ZCWPW2: variants seen among roughly 807,000 people sequenced by gnomAD.
The protein encoded by ZCWPW2 is zinc finger CW-type PWWP domain protein 2.
Under a neutral mutation model 46.6 loss-of-function variants are expected in ZCWPW2, and 45 were observed. The ratio of observed to expected loss-of-function variants is 0.96; its 90% CI spans 0.76 to 1.24. The LOEUF (loss-of-function observed/expected upper bound fraction) is 1.24, where lower values mean the gene tolerates loss of function less well. Among genes scored for constraint, ZCWPW2 ranks in the 50% most tolerant of loss-of-function variants. The probability of loss-of-function intolerance (pLI) is 0.00; values close to 1 mark genes in which losing one functional copy is unlikely to be tolerated. For missense variants in ZCWPW2, 429 were observed against 403.9 expected, an observed-to-expected ratio of 1.06 and a Z score of -0.53; for synonymous variants, 152 against 137.1, an observed-to-expected ratio of 1.11 and a Z score of -0.76.
intron 5 of ZCWPW2, among the ~76,000 whole-genome samples, chr3:28,488,702 A>C (rs1699692426): frequency 6.6e-6 from 1 of 152,164 alleles, no homozygotes; most frequent in Admixed American, 6.6e-5. Context: ...CCTCTTTTGC[A>C]CTTTAAAAAT....
At chr3:28,492,617 T>C (rs1026901610) in intron 6 of ZCWPW2, among the ~76,000 whole-genome samples, 1 of 152,126 alleles carries the variant, frequency 6.6e-6, no homozygotes, top group Non-Finnish European at 1.5e-5. Context: ...CCTGGAATTT[T>C]GTAAATGAAA....
intron 4 of ZCWPW2, among the ~76,000 whole-genome samples, chr3:28,458,319 G>A (rs561267329): frequency 1.2e-4 from 19 of 152,248 alleles, no homozygotes; most frequent in African/African-American, 3.6e-4. Context: ...TTTGTGAAGC[G>A]CTTAGGATGG....
intron 4 of ZCWPW2, among the ~76,000 whole-genome samples, chr3:28,465,597 G>A (rs1045449625): frequency 7.9e-5 from 12 of 152,036 alleles, no homozygotes; most frequent in African/African-American, 2.7e-4. Flanking sequence ...TTTAAAAGTA[G>A]GTAGGATTGC....
At position 28,413,048 on chromosome 3, in the gene ZCWPW2, T is replaced by A. The variant is rs1430037593; in HGVS notation, c.-13-8T>A. ...CATTCTGTTATTTTCCTCTTTCTTA[T>A]TTTCCAGATTAAATGCCTTAATGGA... On this transcript the variant is annotated splice_polypyrimidine_tract_variant and splice_region_variant and intron_variant, in intron 2 of 9. Transcript: ENST00000383768. 1 of 1,580,868 alleles carries A rather than the reference T, an allele frequency of 6.3e-7. No individual in the cohort carries two copies. The highest frequency in any genetic ancestry group is 1.4e-5 in the African/African-American group (1 of 74,058).
intron 5 of ZCWPW2, among the ~76,000 whole-genome samples, chr3:28,482,397 C>G (rs928106029): frequency 2.0e-5 from 3 of 152,114 alleles, no homozygotes; most frequent in African/African-American, 7.2e-5. Context: ...AAATCATTCA[C>G]CTATGAAAGG....
At chr3:28,405,952 A>G (rs946252647) in intron 2 of ZCWPW2, among the ~76,000 whole-genome samples, 2 of 152,230 alleles carry the variant, frequency 1.3e-5, no homozygotes, top group East Asian at 3.8e-4. Context: ...GGAACATATC[A>G]TAAAGCAATG....
chr3:28,461,112 A>C, intron 4 of ZCWPW2: 1 of 172,318 alleles, frequency 5.8e-6, no homozygotes, highest in South Asian at 1.1e-4. Context: ...CCAGTTTTCC[A>C]GATTTTAAAT....
chr3:28,359,502 T>A (rs548773522), intron 1 of ZCWPW2, among the ~76,000 whole-genome samples: 3 of 152,088 alleles, frequency 2.0e-5, no homozygotes, highest in African/African-American at 7.2e-5. Flanking sequence ...ATAGCTTGAG[T>A]TGAAGAAAAG....
chr3:28,384,511 G>A (rs1695202860), intron 1 of ZCWPW2, among the ~76,000 whole-genome samples: 1 of 151,604 alleles, frequency 6.6e-6, no homozygotes, highest in African/African-American at 2.4e-5. Flanking sequence ...TTTCATTCTG[G>A]TTACTTGCCT....
intron 1 of ZCWPW2, among the ~76,000 whole-genome samples, chr3:28,370,337 A>C (rs984943712): frequency 6.6e-6 from 1 of 152,102 alleles, no homozygotes; most frequent in African/African-American, 2.4e-5. Context: ...ACAACCCTAA[A>C]CTGGAGATCT....
intron 6 of ZCWPW2, among the ~76,000 whole-genome samples, chr3:28,513,767 A>G (rs1259507294): frequency 6.6e-6 from 1 of 151,986 alleles, no homozygotes; most frequent in African/African-American, 2.4e-5. Flanking sequence ...ATATGTGTGT[A>G]CAACTTTAAC....
intron 2 of ZCWPW2, among the ~76,000 whole-genome samples, chr3:28,408,899 C>CATCTG (rs1696275198): frequency 6.6e-6 from 1 of 152,028 alleles, no homozygotes; most frequent in South Asian, 2.1e-4. Flanking sequence ...CAGGGAAAGA[C>CATCTG]ATCTGAAAGA....
chr3:28,363,400 C>G (rs894389258), intron 1 of ZCWPW2, among the ~76,000 whole-genome samples: 1 of 152,154 alleles, frequency 6.6e-6, no homozygotes, highest in South Asian at 2.1e-4. Context: ...TATAATAGCA[C>G]TGGGCTTATT....
chr3:28,423,406 G>A (rs1449237852), intron 3 of ZCWPW2, among the ~76,000 whole-genome samples: 5 of 126,800 alleles, frequency 3.9e-5, no homozygotes, highest in South Asian at 2.5e-4. Context: ...TCACTCTGTC[G>A]CCCAGACTGG....
At chr3:28,388,161 G>A (rs1161738764) in intron 1 of ZCWPW2, among the ~76,000 whole-genome samples, 4 of 152,032 alleles carry the variant, frequency 2.6e-5, no homozygotes, top group African/African-American at 9.7e-5. Context: ...AATGGATGAC[G>A]CCCACCTACA....
chr3:28,405,501 G>C (rs1696123390), intron 2 of ZCWPW2, among the ~76,000 whole-genome samples: 1 of 152,112 alleles, frequency 6.6e-6, no homozygotes, highest in Admixed American at 6.6e-5. Flanking sequence ...TTGAGACAGA[G>C]TTTCACTCTT....
intron 4 of ZCWPW2, among the ~76,000 whole-genome samples, chr3:28,470,492 TAA>T (rs751954217): frequency 1.1e-4 from 10 of 87,636 alleles, no homozygotes; most frequent in South Asian, 3.5e-4. Flanking sequence ...GACTCCGTCT[TAA>T]AAAAAAAAAA....
intron 1 of ZCWPW2, among the ~76,000 whole-genome samples, chr3:28,383,980 T>C (rs1247062118): frequency 6.6e-6 from 1 of 152,156 alleles, no homozygotes; most frequent in Admixed American, 6.5e-5. Flanking sequence ...AAAAAATCAA[T>C]ATGCTCCATA....
At chr3:28,438,000 T>C (rs1475056982) in intron 4 of ZCWPW2, among the ~76,000 whole-genome samples, 1 of 152,204 alleles carries the variant, frequency 6.6e-6, no homozygotes, top group African/African-American at 2.4e-5. Flanking sequence ...ATGCTGCAGT[T>C]AATTTCCATC....
Sources: allele counts gnomAD v4.1 joint callset (sites outside exome capture counted in the v4.1 genomes callset), GRCh38; gene constraint gnomAD v4.1.1; transcripts MANE v1.5; gene names NCBI Gene and HGNC (gene_info 2026-07-23, HGNC 2026-07-21).